MAGI1: variants seen among roughly 807,000 people sequenced by gnomAD.
MAGI1 encodes membrane associated guanylate kinase, WW and PDZ domain containing 1.
MAGI1 carries 58 observed loss-of-function variants against 139.9 expected under a neutral mutation model. The observed-to-expected ratio is 0.41, with a 90% CI of 0.34 to 0.52. The LOEUF (loss-of-function observed/expected upper bound fraction) is 0.52, where lower values mean the gene tolerates loss of function less well. MAGI1 is among the 20% of genes least tolerant of loss of function. The pLI, the probability that MAGI1 is intolerant of heterozygous loss-of-function variation, is 0.12. For synonymous variants in MAGI1, 812 were observed against 737.9 expected, an observed-to-expected ratio of 1.10 and a Z score of -1.63; for missense variants, 1,874 against 1,901.6, an observed-to-expected ratio of 0.99 and a Z score of 0.27.
chr3:65,864,005 T>G (rs747899372), intron 1 of MAGI1, among the ~76,000 whole-genome samples: 5 of 152,048 alleles, frequency 3.3e-5, no homozygotes, highest in Non-Finnish European at 7.4e-5. Context: ...TAACTACTAC[T>G]AAATAAATGA....
At position 65,683,896 on chromosome 3, in the gene MAGI1, C is replaced by T. The variant is rs532802786; in HGVS notation, c.314-61808G>A. Among the ~76,000 whole-genome samples the T allele has an allele frequency of 3.3e-5, 5 of 151,232 alleles. No homozygotes were observed. The East Asian group carries it at 9.7e-4, about 29-fold the overall frequency. ...TCTGGCAAGTACTTTTATAAGAAAA[C>T]TCACACTCATGTAACTGCAGCACTT... On this transcript the variant is annotated intron_variant, in intron 1 of 22. Coordinates refer to ENST00000402939, the MANE Select transcript of MAGI1 (RefSeq NM_001033057.2).
At chr3:65,780,818 T>C (rs264108) in intron 1 of MAGI1, among the ~76,000 whole-genome samples, 77,518 of 151,988 alleles carry the variant, frequency 0.51, 20,023 homozygotes, top group Non-Finnish European at 0.55. Context: ...CTAGCCCACA[T>C]GGGGCAGAAG....
intron 2 of MAGI1, among the ~76,000 whole-genome samples, chr3:65,570,256 T>C (rs1405928264): frequency 6.6e-6 from 1 of 151,704 alleles, no homozygotes; most frequent in African/African-American, 2.4e-5. Context: ...CATGCACCAC[T>C]ATATCCAGCT....
At chr3:65,668,882 G>A (rs138649759) in intron 1 of MAGI1, among the ~76,000 whole-genome samples, 83 of 151,964 alleles carry the variant, frequency 5.5e-4, no homozygotes, top group African/African-American at 1.9e-3. Flanking sequence ...AGAACTGAAG[G>A]TCCTGGGAAT....
chr3:66,022,451 T>C (rs9866459), intron 1 of MAGI1, among the ~76,000 whole-genome samples: 5,051 of 152,264 alleles, frequency 0.033, 291 homozygotes, highest in African/African-American at 0.12. Context: ...CTTCAAAAGT[T>C]TTCTCTTTTT....
At chr3:65,904,749 C>T (rs72905064) in intron 1 of MAGI1, among the ~76,000 whole-genome samples, 83 of 152,338 alleles carry the variant, frequency 5.4e-4, no homozygotes, top group African/African-American at 2.0e-3. Context: ...TTGTTTACAG[C>T]CTGCCTCCCT....
chr3:65,538,432 T>G (rs1187727263), intron 2 of MAGI1, among the ~76,000 whole-genome samples: 4 of 152,192 alleles, frequency 2.6e-5, no homozygotes, highest in Non-Finnish European at 5.9e-5. Flanking sequence ...TCTACCTCCT[T>G]CTCTGTCATC....
intron 1 of MAGI1, among the ~76,000 whole-genome samples, chr3:65,872,277 A>G (rs1372468957): frequency 2.6e-5 from 4 of 152,220 alleles, no homozygotes; most frequent in Admixed American, 6.5e-5. Flanking sequence ...GTTTTCTAAC[A>G]TTAAGTAGCT....
chr3:65,761,748 G>T (rs1340323801), intron 1 of MAGI1, among the ~76,000 whole-genome samples: 1 of 152,152 alleles, frequency 6.6e-6, no homozygotes, highest in African/African-American at 2.4e-5. Flanking sequence ...CATGATGGCT[G>T]CAGGTAAAAC....
chr3:65,850,355 G>A (rs1454793483), intron 1 of MAGI1, among the ~76,000 whole-genome samples: 1 of 152,048 alleles, frequency 6.6e-6, no homozygotes, highest in Non-Finnish European at 1.5e-5. Flanking sequence ...ATCCCAGTTT[G>A]CCCGGCGCTT....
At chr3:65,978,973 G>C (rs2065408496) in intron 1 of MAGI1, among the ~76,000 whole-genome samples, 2 of 151,844 alleles carry the variant, frequency 1.3e-5, no homozygotes, top group South Asian at 4.2e-4. Flanking sequence ...CGAGGACTCA[G>C]AAAGCATCTC....
chr3:66,014,690 A>G (rs1202960916), intron 1 of MAGI1, among the ~76,000 whole-genome samples: 1 of 152,234 alleles, frequency 6.6e-6, no homozygotes, highest in Non-Finnish European at 1.5e-5. Flanking sequence ...AATACTCTCC[A>G]AAGAGGCCTT....
intron 2 of MAGI1, among the ~76,000 whole-genome samples, chr3:65,546,575 T>C (rs895153088): frequency 3.3e-5 from 5 of 152,244 alleles, no homozygotes; most frequent in African/African-American, 1.2e-4. Context: ...TTTTCACTTA[T>C]CAACATCTAT....
chr3:65,543,426 A>C (rs1021377674), intron 2 of MAGI1, among the ~76,000 whole-genome samples: 1 of 152,222 alleles, frequency 6.6e-6, no homozygotes, highest in Non-Finnish European at 1.5e-5. Flanking sequence ...ATTATAAATC[A>C]TTCTGCTACA....
chr3:65,597,528 T>G (rs987354438), intron 2 of MAGI1, among the ~76,000 whole-genome samples: 6 of 151,656 alleles, frequency 4.0e-5, no homozygotes, highest in Admixed American at 3.9e-4. Context: ...CCTCCCAGCC[T>G]GGCCAAACGG....
chr3:66,002,425 T>C (rs909532706), intron 1 of MAGI1, among the ~76,000 whole-genome samples: 1 of 152,084 alleles, frequency 6.6e-6, no homozygotes, highest in Non-Finnish European at 1.5e-5. Flanking sequence ...GGACATTTCA[T>C]GGGGTGGGGG....
At position 65,356,257 on chromosome 3, in the gene MAGI1, G is replaced by T. The variant is rs1249668759; in HGVS notation, c.*121C>A. ...ATTTCAAATGCATAAAATGTTTGTT[G>T]TTATTCATAGGATCATCAGGTGTCA... On this transcript the variant is annotated 3_prime_UTR_variant, in exon 23 of 23. Coordinates refer to ENST00000402939, the MANE Select transcript of MAGI1 (RefSeq NM_001033057.2). The T allele has an allele frequency of 1.1e-6, 1 of 922,146 alleles. No individual in the cohort carries two copies. The highest frequency in any genetic ancestry group is 2.3e-5 in the South Asian group (1 of 43,096). 57.1% of individuals were successfully genotyped at this position (922,146 alleles called of 1,614,324 possible).
intron 1 of MAGI1, among the ~76,000 whole-genome samples, chr3:65,966,699 A>C (rs1394272417): frequency 1.3e-5 from 2 of 152,168 alleles, no homozygotes; most frequent in Non-Finnish European, 2.9e-5. Context: ...CATTGCTGCT[A>C]ATTACGAGGC....
At chr3:66,017,683 G>A (rs375199451) in intron 1 of MAGI1, among the ~76,000 whole-genome samples, 1 of 152,186 alleles carries the variant, frequency 6.6e-6, no homozygotes, top group East Asian at 1.9e-4. Context: ...GTGCACGTGT[G>A]GCCCTCAGTG....
Sources: allele counts gnomAD v4.1 joint callset (sites outside exome capture counted in the v4.1 genomes callset), GRCh38; gene constraint gnomAD v4.1.1; transcripts MANE v1.5; gene names NCBI Gene and HGNC (gene_info 2026-07-23, HGNC 2026-07-21).